The following RBFOX1 variants were observed in gnomAD, a reference collection of about 807,000 sequenced individuals.
The protein encoded by RBFOX1 is RNA binding protein fox-1 homolog 1.
RBFOX1 carries 8 observed loss-of-function variants against 57.7 expected under a neutral mutation model. That is an observed-to-expected ratio of 0.14 (90% CI 0.08 to 0.25). The LOEUF (loss-of-function observed/expected upper bound fraction) is 0.25, where lower values mean the gene tolerates loss of function less well. Among genes scored for constraint, RBFOX1 ranks in the 10% least tolerant of loss-of-function variants. The probability of loss-of-function intolerance (pLI) is 1.00; values close to 1 mark genes in which losing one functional copy is unlikely to be tolerated. For missense variants in RBFOX1, 611 were observed against 548.5 expected, an observed-to-expected ratio of 1.11 and a Z score of -1.14; for synonymous variants, 326 against 222.4, an observed-to-expected ratio of 1.47 and a Z score of -4.15.
chr16:7,085,656 C>T (rs2059878989), intron 4 of RBFOX1, among the ~76,000 whole-genome samples: 1 of 152,136 alleles, frequency 6.6e-6, no homozygotes, highest in African/African-American at 2.4e-5. Flanking sequence ...TCAGAAAGGG[C>T]ACATTTTGTC....
At chr16:5,643,778 C>T (rs1302441224) in intron 3 of RBFOX1, among the ~76,000 whole-genome samples, 1 of 152,156 alleles carries the variant, frequency 6.6e-6, no homozygotes, top group East Asian at 1.9e-4. Flanking sequence ...GTGGAAGAAA[C>T]TTTCCATCCA....
intron 4 of RBFOX1, among the ~76,000 whole-genome samples, chr16:7,266,165 C>A (rs1159625630): frequency 6.6e-6 from 1 of 151,786 alleles, no homozygotes; most frequent in East Asian, 1.9e-4. Context: ...TTAGTACAGA[C>A]GGGGTTTCAC....
At chr16:6,803,361 A>G (rs1474277733) in intron 3 of RBFOX1, among the ~76,000 whole-genome samples, 1 of 152,184 alleles carries the variant, frequency 6.6e-6, no homozygotes, top group Non-Finnish European at 1.5e-5. Context: ...CTCCAGCCGT[A>G]CAGAGAAGAA....
At chr16:7,479,422 G>T (rs946314070) in intron 4 of RBFOX1, among the ~76,000 whole-genome samples, 1 of 152,096 alleles carries the variant, frequency 6.6e-6, no homozygotes, top group Admixed American at 6.5e-5. Context: ...GAGCCGGGGT[G>T]CCTGGCCCAA....
At chr16:6,334,533 A>G (rs1036059477) in intron 2 of RBFOX1, among the ~76,000 whole-genome samples, 1 of 151,870 alleles carries the variant, frequency 6.6e-6, no homozygotes, top group Non-Finnish European at 1.5e-5. Flanking sequence ...AATCAAAGAA[A>G]TATGCTAGAA....
intron 4 of RBFOX1, among the ~76,000 whole-genome samples, chr16:7,192,093 G>A (rs766729331): frequency 1.3e-5 from 2 of 152,118 alleles, no homozygotes; most frequent in Non-Finnish European, 2.9e-5. Context: ...TTCAAAACCA[G>A]AGAAAGGGGG....
intron 3 of RBFOX1, among the ~76,000 whole-genome samples, chr16:6,679,436 C>A (rs1425923717): frequency 6.6e-6 from 1 of 152,014 alleles, no homozygotes; most frequent in Non-Finnish European, 1.5e-5. Context: ...CATTGCAGTG[C>A]CTCGTTTCTT....
At chr16:7,667,297 A>C (rs2069671643) in intron 13 of RBFOX1, among the ~76,000 whole-genome samples, 2 of 152,346 alleles carry the variant, frequency 1.3e-5, no homozygotes, top group South Asian at 4.1e-4. Context: ...TGCCCAGCTC[A>C]GCAGCAGAAC....
chr16:6,783,311 T>C (rs2081341491), intron 3 of RBFOX1, among the ~76,000 whole-genome samples: 1 of 151,588 alleles, frequency 6.6e-6, no homozygotes. Context: ...GTTAGTTCTC[T>C]CTTCCTTTTT....
At chr16:7,338,449 G>T (rs1300603146) in intron 4 of RBFOX1, among the ~76,000 whole-genome samples, 1 of 152,180 alleles carries the variant, frequency 6.6e-6, no homozygotes, top group African/African-American at 2.4e-5. Flanking sequence ...AGACTGGAGT[G>T]CAGTGGTGCA....
chr16:7,016,963 G>C (rs983814986), intron 3 of RBFOX1, among the ~76,000 whole-genome samples: 1 of 152,138 alleles, frequency 6.6e-6, no homozygotes, highest in African/African-American at 2.4e-5. Flanking sequence ...CCCATCAGTA[G>C]TAAAGGTTTC....
At chr16:7,284,280 G>C (rs908356841) in intron 4 of RBFOX1, among the ~76,000 whole-genome samples, 1 of 152,160 alleles carries the variant, frequency 6.6e-6, no homozygotes, top group African/African-American at 2.4e-5. Context: ...GTTCTCCTGG[G>C]TAAATTCCTA....
intron 3 of RBFOX1, among the ~76,000 whole-genome samples, chr16:6,913,471 G>T (rs80301461): frequency 6.6e-6 from 1 of 152,018 alleles, no homozygotes; most frequent in Non-Finnish European, 1.5e-5. Flanking sequence ...TGTTGCCATC[G>T]GCCTTCTTCA....
intron 2 of RBFOX1, among the ~76,000 whole-genome samples, chr16:6,574,584 A>G (rs1162548479): frequency 1.3e-5 from 2 of 149,632 alleles, no homozygotes; most frequent in African/African-American, 4.9e-5. Flanking sequence ...GCCCGCCACC[A>G]AGCCCAGCTA....
At chr16:5,886,061 C>A (rs2057891994) in intron 4 of RBFOX1, among the ~76,000 whole-genome samples, 1 of 152,188 alleles carries the variant, frequency 6.6e-6, no homozygotes, top group Non-Finnish European at 1.5e-5. Context: ...TCCCGCTCTG[C>A]CGTATCAAAA....
intron 3 of RBFOX1, among the ~76,000 whole-genome samples, chr16:6,897,785 T>C (rs144076401): frequency 0.012 from 1,883 of 152,198 alleles, 21 homozygotes; most frequent in Non-Finnish European, 0.02. Flanking sequence ...CAGAGCGAGA[T>C]TCCGTCTCAA....
At chr16:7,007,494 G>T (rs560708415) in intron 3 of RBFOX1, among the ~76,000 whole-genome samples, 1 of 152,238 alleles carries the variant, frequency 6.6e-6, no homozygotes, top group Admixed American at 6.5e-5. Flanking sequence ...GTCATGTCAC[G>T]CATCGTATTG....
intron 3 of RBFOX1, among the ~76,000 whole-genome samples, chr16:5,655,181 G>A (rs141802613): frequency 2.2e-4 from 33 of 152,340 alleles, no homozygotes; most frequent in African/African-American, 7.7e-4. Context: ...GACGAGGGTG[G>A]CATTTGCACA....
intron 4 of RBFOX1, among the ~76,000 whole-genome samples, chr16:7,231,010 C>G (rs747267968): frequency 2.0e-5 from 3 of 152,104 alleles, no homozygotes; most frequent in South Asian, 2.1e-4. Context: ...AGCCATGGTA[C>G]CTGAACAAGC....
Sources: allele counts gnomAD v4.1 joint callset (sites outside exome capture counted in the v4.1 genomes callset), GRCh38; gene constraint gnomAD v4.1.1; transcripts MANE v1.5; gene names NCBI Gene and HGNC (gene_info 2026-07-23, HGNC 2026-07-21).